NELL1: variants seen among roughly 807,000 people sequenced by gnomAD.
NELL1 encodes the protein protein kinase C-binding protein NELL1.
In NELL1, 76 loss-of-function variants were observed where a neutral mutation model predicts 107.4. The ratio of observed to expected loss-of-function variants is 0.71; its 90% confidence interval spans 0.59 to 0.86. The LOEUF is 0.86. Ranked by LOEUF, NELL1 falls within the 40% of genes least tolerant of loss-of-function variation. The pLI is 0.00. For synonymous variants in NELL1, 353 were observed against 341.2 expected (o/e 1.03, Z -0.38); for missense variants, 1,024 against 1,005.5 (o/e 1.02, Z -0.25).
intron 2 of NELL1, among the ~76,000 whole-genome samples, chr11:20,685,637 A>G (rs1259086326): frequency 6.6e-6 from 1 of 152,150 alleles, no homozygotes; most frequent in African/African-American, 2.4e-5. Context: ...GTGAAATAAT[A>G]CATACAAAGT....
At chr11:21,086,388 A>G (rs1854391883) in intron 12 of NELL1, among the ~76,000 whole-genome samples, 1 of 152,218 alleles carries the variant, frequency 6.6e-6, no homozygotes, top group East Asian at 1.9e-4. Context: ...GCAGGATACT[A>G]AAAGCACTAG....
At chr11:21,137,633 C>T (rs1855772817) in intron 13 of NELL1, among the ~76,000 whole-genome samples, 1 of 152,162 alleles carries the variant, frequency 6.6e-6, no homozygotes, top group Non-Finnish European at 1.5e-5. Context: ...ATTTTGTCCT[C>T]CTCAGGCCAA....
chr11:21,308,377 G>A (rs1849654620), intron 14 of NELL1, among the ~76,000 whole-genome samples: 1 of 152,030 alleles, frequency 6.6e-6, no homozygotes, highest in Non-Finnish European at 1.5e-5. Context: ...CACTCCCTCT[G>A]AGAAGGCTGG....
chr11:20,860,216 C>T (rs1848954428), intron 4 of NELL1, among the ~76,000 whole-genome samples: 1 of 152,150 alleles, frequency 6.6e-6, no homozygotes, highest in Non-Finnish European at 1.5e-5. Flanking sequence ...ACACTTTTAC[C>T]ATAAAATAGT....
chr11:21,562,422 T>A (rs952032960), intron 17 of NELL1, among the ~76,000 whole-genome samples: 1 of 146,398 alleles, frequency 6.8e-6, no homozygotes, highest in Non-Finnish European at 1.5e-5. Context: ...AAATCTTTTG[T>A]TTGTTTGTGT....
intron 15 of NELL1, among the ~76,000 whole-genome samples, chr11:21,523,206 ACAT>A (rs1855771872): frequency 6.6e-6 from 1 of 151,984 alleles, no homozygotes; most frequent in Admixed American, 6.6e-5. Flanking sequence ...ATTTATGTCT[ACAT>A]GGAATATCTT....
Position 20,864,441 on chromosome 11 carries a change from T to G in NELL1, c.506+16688T>G, listed in dbSNP as rs139920003. Among the ~76,000 whole-genome samples the G allele has an allele frequency of 1.7e-3, 255 of 152,368 alleles. 1 individual carries two copies. The highest frequency in any genetic ancestry group is 6.0e-3 in the African/African-American group (248 of 41,600). The stretch of plus-strand genomic sequence containing the variant: ...AGTCTAACTGTAATTATATATCCTT[T>G]GACCGACATCTCCTTATCATTTTGA... On this transcript the variant is annotated intron_variant, in intron 4 of 19. Coordinates refer to ENST00000357134, the MANE Select transcript of NELL1 (RefSeq NM_006157.5).
intron 2 of NELL1, among the ~76,000 whole-genome samples, chr11:20,688,574 A>G (rs183793904): frequency 7.9e-4 from 120 of 152,198 alleles, no homozygotes; most frequent in Non-Finnish European, 1.5e-3. Flanking sequence ...GTTTCTTTTT[A>G]TGGCTGTGTG....
At position 20,774,955 on chromosome 11, in the gene NELL1, G is replaced by GA. The variant is rs966280156; in HGVS notation, c.185-8716dup. On this transcript the variant is annotated intron_variant, in intron 2 of 19. Coordinates refer to ENST00000357134, the MANE Select transcript of NELL1 (RefSeq NM_006157.5). ...CTGGTCAGTTATTGCCAAAAAAAAA[G>GA]AAAAAAAAACCCTGTTGTCCTCACT... Among the ~76,000 whole-genome samples the GA allele has an allele frequency of 1.4e-4, 21 of 150,524 alleles. 1 individual carries two copies. The highest frequency in any genetic ancestry group is 9.8e-4 in the East Asian group (5 of 5,118).
At chr11:21,572,163 C>A (rs889916921) in intron 18 of NELL1, among the ~76,000 whole-genome samples, 6 of 151,750 alleles carry the variant, frequency 4.0e-5, no homozygotes, top group South Asian at 2.1e-4. Flanking sequence ...AATTGCATTT[C>A]TTTTCCAAGA....
intron 2 of NELL1, among the ~76,000 whole-genome samples, chr11:20,727,255 C>T (rs1258130617): frequency 6.6e-6 from 1 of 152,134 alleles, no homozygotes; most frequent in Non-Finnish European, 1.5e-5. Flanking sequence ...CTCTCCAGCA[C>T]CTGTTGTTTC....
At chr11:21,285,787 TAAAAC>T (rs933984816) in intron 14 of NELL1, among the ~76,000 whole-genome samples, 1 of 152,224 alleles carries the variant, frequency 6.6e-6, no homozygotes, top group African/African-American at 2.4e-5. Context: ...AATGTGTGTA[TAAAAC>T]AAAACAAAAG....
chr11:21,155,183 G>GA (rs1349287491), intron 13 of NELL1, among the ~76,000 whole-genome samples: 2 of 152,156 alleles, frequency 1.3e-5, no homozygotes, highest in South Asian at 2.1e-4. Flanking sequence ...GGGCTGGGTG[G>GA]ATGATGGTAT....
At chr11:20,677,892 T>C (rs1269880209) in intron 1 of NELL1, 40 bp from the exon 2 acceptor site, 2 of 1,610,954 alleles carry the variant, frequency 1.2e-6, no homozygotes, top group African/African-American at 2.7e-5. Flanking sequence ...CTAGTAACAG[T>C]CTGCATTTTA....
intron 13 of NELL1, among the ~76,000 whole-genome samples, chr11:21,209,924 T>A (rs1486140164): frequency 6.6e-6 from 1 of 152,136 alleles, no homozygotes; most frequent in African/African-American, 2.4e-5. Context: ...AACTACTAAT[T>A]TACATTCTGC....
intron 7 of NELL1, among the ~76,000 whole-genome samples, chr11:20,924,376 C>T (rs1850445298): frequency 6.6e-6 from 1 of 152,106 alleles, no homozygotes; most frequent in Admixed American, 6.6e-5. Flanking sequence ...TAGGACTTCT[C>T]AATGTTGTCA....
intron 3 of NELL1, among the ~76,000 whole-genome samples, chr11:20,800,612 A>C (rs540279263): frequency 6.6e-6 from 1 of 152,272 alleles, no homozygotes; most frequent in East Asian, 1.9e-4. Context: ...TGTTAGATGC[A>C]GAGTTTGTGA....
chr11:21,037,535 G>A (rs1342129532), intron 12 of NELL1, among the ~76,000 whole-genome samples: 1 of 152,116 alleles, frequency 6.6e-6, no homozygotes, highest in Non-Finnish European at 1.5e-5. Flanking sequence ...GTTCCCCGAT[G>A]TATGCCTAGT....
At chr11:21,082,239 A>C (rs1854286535) in intron 12 of NELL1, among the ~76,000 whole-genome samples, 1 of 152,200 alleles carries the variant, frequency 6.6e-6, no homozygotes, top group Non-Finnish European at 1.5e-5. Context: ...TCAGGTGAAC[A>C]GGATTTTATA....
Sources: gnomAD v4.1 joint callset for allele counts (sites outside exome capture counted in the v4.1 genomes callset) on GRCh38, gnomAD v4.1.1 for gene constraint, MANE v1.5 for transcripts, NCBI Gene and HGNC (gene_info 2026-07-23, HGNC 2026-07-21) for gene names.